LGI3: variants seen among roughly 807,000 people sequenced by gnomAD.
LGI3 encodes leucine rich repeat LGI family member 3.
LGI3 carries 47 observed loss-of-function variants against 55.4 expected under a neutral mutation model. The ratio of observed to expected loss-of-function variants is 0.85; its 90% CI spans 0.67 to 1.08. The LOEUF (loss-of-function observed/expected upper bound fraction) is 1.08. LGI3 is among the 50% of genes least tolerant of loss of function. The pLI is 0.00. For synonymous variants in LGI3, 326 were observed against 315.0 expected, an observed-to-expected ratio of 1.04 and a Z score of -0.37; for missense variants, 664 against 726.3, an observed-to-expected ratio of 0.91 and a Z score of 0.99.
At chr8:22,153,198 C>T (rs1216032301) in intron 5 of LGI3, among the ~76,000 whole-genome samples, 1 of 150,984 alleles carries the variant, frequency 6.6e-6, no homozygotes, top group Non-Finnish European at 1.5e-5. Flanking sequence ...GATTCTCCTG[C>T]CTCAACCTTC....
chr8:22,153,280 T>G (rs1264771595), intron 5 of LGI3, among the ~76,000 whole-genome samples: 1 of 151,004 alleles, frequency 6.6e-6, no homozygotes, highest in African/African-American at 2.4e-5. Flanking sequence ...AGACGGCGTT[T>G]CACCATGTTG....
Position 22,156,641 on chromosome 8 carries a change from G to A in LGI3, c.-99C>T, listed in dbSNP as rs1159097164. ...CGCGGGCTGGCACCTCCCTGCCACCGGCAGCTGCTACCGCAGCCAGGGGCC... is the reference window on the plus strand; with the variant it reads ...CGCGGGCTGGCACCTCCCTGCCACCAGCAGCTGCTACCGCAGCCAGGGGCC... On this transcript the variant is annotated 5_prime_UTR_variant, in exon 1 of 8. Transcript: ENST00000306317. 3.5e-5 allele frequency: 11 copies of A among 316,932 alleles called. No individual in the cohort carries two copies. The highest frequency in any genetic ancestry group is 4.8e-5 in the Non-Finnish European group (9 of 186,332). The allele number at this position is 316,932 out of a possible 1,614,324, so 19.6% of individuals were successfully genotyped here. A position where few individuals can be genotyped will look rare whatever the true frequency, so the allele number is the denominator to read the frequency against.
chr8:22,151,381 A>G, intron 7 of LGI3, 108 bp downstream of exon 7: 1 of 1,012,808 alleles, frequency 9.9e-7, no homozygotes, highest in East Asian at 2.4e-5. Flanking sequence ...GGCAGAGGGT[A>G]TGTCTCATCT....
chr8:22,151,509 C>T lies in LGI3; in HGVS notation c.809G>A (p.Arg270Gln). ...GGTACCTGGGATTCTATCATAGTCT[C>T]GAAGCTGCCGCTCAACATAGTCCCA... ...LKWDYVERQLRDYDRIPAPSA... is the reference protein window; with the variant it reads ...LKWDYVERQLQDYDRIPAPSA... Residue 270 changes from arginine to glutamine, a missense_variant, in exon 7 of 8, where the codon CGA becomes CAA. Arg to Gln is a conservative substitution (Grantham distance 43, BLOSUM62 1). Transcript: ENST00000306317. 4.3e-6 allele frequency: 7 copies of T among 1,614,018 alleles called. No individual in the cohort carries two copies. Among genetic ancestry groups the T allele is most frequent in the African/African-American group, 2.7e-5 (2 of 75,036 alleles).
chr8:22,153,269 C>G (rs1468768358), intron 5 of LGI3, among the ~76,000 whole-genome samples: 4 of 151,032 alleles, frequency 2.6e-5, no homozygotes, highest in South Asian at 2.1e-4. Context: ...ATTTTTAGTA[C>G]AGACGGCGTT....
intron 2 of LGI3, 181 bp from the exon 3 acceptor site, chr8:22,154,812 C>T (rs1267788843): frequency 1.4e-5 from 8 of 589,640 alleles, no homozygotes; most frequent in Non-Finnish European, 2.4e-5. Flanking sequence ...TGTTCTGGCC[C>T]CAGAAGCTCC....
intron 7 of LGI3, among the ~76,000 whole-genome samples, chr8:22,151,194 A>G (rs560960113): frequency 6.6e-6 from 1 of 152,170 alleles, no homozygotes; most frequent in Admixed American, 6.5e-5. Flanking sequence ...TCTATTCTTC[A>G]AGACTCAGCT....
Position 22,154,562 on chromosome 8 carries a change from A to G in LGI3, c.348T>C (p.Tyr116=). 6.2e-7 allele frequency: 1 copy of G among 1,613,688 alleles called. No homozygotes were observed. The highest frequency in any genetic ancestry group is 8.5e-7 in the Non-Finnish European group (1 of 1,179,670). The change falls in exon 3 of 8, where the codon TAT becomes TAC. Residue 116 remains tyrosine (Y), a splice_region_variant and synonymous_variant. Coordinates refer to ENST00000306317, the MANE Select transcript of LGI3 (RefSeq NM_139278.4). The part of the protein sequence containing the change: ...NAFTGLSHLQ[Y]LFIENNDIWA... The stretch of plus-strand genomic sequence containing the variant: ...TTGCCCCTTTCCCTCCCACACACAG[A>G]TACTGCAGGTGCGACAGTCCTGTGA...
chr8:22,156,537 C>A lies in LGI3; in HGVS notation c.6G>T (p.Ala2=). M[A]GLRARGGPGP... is the part of the protein sequence containing the mutation. ...CCGGGCCCCCCCTGGCCCGCAGCCC[C>A]GCCATGCTGCCCGCGATCTCTCCCT... is the stretch of plus-strand genomic sequence containing the variant. The change falls in exon 1 of 8, where the codon GCG becomes GCT. Residue 2 remains alanine, a synonymous_variant. Coordinates refer to ENST00000306317, the MANE Select transcript of LGI3 (RefSeq NM_139278.4). 7.8e-7 allele frequency: 1 copy of A among 1,278,166 alleles called. No homozygotes were observed. Among genetic ancestry groups the A allele is most frequent in the Admixed American group, 3.8e-5 (1 of 26,368 alleles). 79.2% of individuals were successfully genotyped at this position (1,278,166 alleles called of 1,614,324 possible). A position where few individuals can be genotyped will look rare whatever the true frequency, so the allele number is the denominator to read the frequency against.
intron 1 of LGI3, among the ~76,000 whole-genome samples, chr8:22,155,858 A>T (rs904104292): frequency 2.6e-5 from 4 of 152,198 alleles, no homozygotes; most frequent in African/African-American, 9.6e-5. Context: ...GACAAGGGGG[A>T]GCCCCTGAGG....
chr8:22,148,903 C>T lies in LGI3; in HGVS notation c.904G>A (p.Gly302Ser), dbSNP rs757547343. The change falls in exon 8 of 8, where the codon GGC becomes AGC. Residue 302 changes from glycine (G) to serine (S), a missense_variant. By Grantham distance (56) the Gly-to-Ser change is moderately conservative. Coordinates refer to ENST00000306317, the MANE Select transcript of LGI3 (RefSeq NM_139278.4). This position sits in a 1 kb window ranked among gnomAD's most constrained non-coding sequence, Gnocchi z 7.0. Reference sequence around the variant, plus strand: ...GGATCCCAGTGGTAAATGTAAGAGCCGCCAAACAGCTGGGCCACGACCACG... The same window carrying T: ...GGATCCCAGTGGTAAATGTAAGAGCTGCCAAACAGCTGGGCCACGACCACG... The part of the protein sequence containing the change: ...LYVVVAQLFG[G>S]SYIYHWDPNT... The T allele has an allele frequency of 3.0e-5, 49 of 1,613,988 alleles. No homozygotes were observed. Among genetic ancestry groups the T allele is most frequent in the East Asian group, 4.5e-5 (2 of 44,886 alleles).
intron 2 of LGI3, chr8:22,154,990 G>T: frequency 2.4e-6 from 1 of 413,186 alleles, no homozygotes; most frequent in Admixed American, 4.0e-5. Context: ...TGTAGGGTTG[G>T]AGACACTCCT....
chr8:22,155,592 C>T (rs1827479789), intron 1 of LGI3, 129 bp from the exon 2 acceptor site: 5 of 760,270 alleles, frequency 6.6e-6, no homozygotes, highest in Non-Finnish European at 9.1e-6. Flanking sequence ...CCTAATTTAG[C>T]CCCCATCTGT....
At position 22,151,907 on chromosome 8, in the gene LGI3, G is replaced by A; in HGVS notation, c.588C>T (p.Tyr196=). 4.3e-6 allele frequency: 7 copies of A among 1,613,314 alleles called. No individual in the cohort carries two copies. Among genetic ancestry groups the A allele is most frequent in the Non-Finnish European group, 5.9e-6 (7 of 1,179,968 alleles). The part of the protein sequence containing the change: ...AHTNTTVAPI[Y]CASPPRFQEH... ...CCTGGAAGCGGGGCGGGCTGGCGCAGTAGATGGGTGCCACCGTGGTGTTGG... is the reference window on the plus strand; with the variant it reads ...CCTGGAAGCGGGGCGGGCTGGCGCAATAGATGGGTGCCACCGTGGTGTTGG... The change falls in exon 6 of 8, where the codon TAC becomes TAT. Residue 196 remains tyrosine, a synonymous_variant. Transcript: ENST00000306317.
chr8:22,147,238 C>G lies in LGI3; in HGVS notation c.*922G>C, dbSNP rs151328590. 6.6e-6 allele frequency: 1 copy of G among 152,314 alleles called. No individual in the cohort carries two copies. The highest frequency in any genetic ancestry group is 1.9e-4 in the East Asian group (1 of 5,192). 9.4% of individuals were successfully genotyped at this position (152,314 alleles called of 1,614,324 possible). A position where few individuals can be genotyped will look rare whatever the true frequency, so the allele number is the denominator to read the frequency against. On this transcript the variant is annotated 3_prime_UTR_variant, in exon 8 of 8. Coordinates refer to ENST00000306317, the MANE Select transcript of LGI3 (RefSeq NM_139278.4). Reference sequence around the variant, plus strand: ...AGGGGACAGTCCAAGCCTGAGAAAGCGACAGCTACAGGAAGGAAGGCAGAA... The same window carrying G: ...AGGGGACAGTCCAAGCCTGAGAAAGGGACAGCTACAGGAAGGAAGGCAGAA...
intron 5 of LGI3, among the ~76,000 whole-genome samples, chr8:22,153,450 C>A (rs1054130302): frequency 6.6e-6 from 1 of 151,178 alleles, no homozygotes; most frequent in African/African-American, 2.4e-5. Context: ...CACCTGTACT[C>A]CCAGCACTTT....
chr8:22,150,449 C>T (rs1489593128), intron 7 of LGI3, among the ~76,000 whole-genome samples: 1 of 149,430 alleles, frequency 6.7e-6, no homozygotes, highest in Non-Finnish European at 1.5e-5. Context: ...AGCTCTGCCT[C>T]CCAGGTTCAT....
At chr8:22,155,598 T>A (rs756405534) in intron 1 of LGI3, 135 bp from the exon 2 acceptor site, 39 of 726,550 alleles carry the variant, frequency 5.4e-5, no homozygotes, top group Non-Finnish European at 8.2e-5. Flanking sequence ...TTAGCCCCCA[T>A]CTGTGTGTCT....
chr8:22,156,599 G>T lies in LGI3; in HGVS notation c.-57C>A, dbSNP rs557076801. 3.6e-4 allele frequency: 222 copies of T among 613,868 alleles called. 1 individual carries two copies. In the Middle Eastern group the frequency reaches 5.6e-3, roughly 16 times the overall value. 38.0% of individuals were successfully genotyped at this position (613,868 alleles called of 1,614,324 possible). ...CCGCGGCCCCCGCCCCACCGCTCCC[G>T]CGGCTGGGCCACCCCGCGCGGGCTG... On this transcript the variant is annotated 5_prime_UTR_variant, in exon 1 of 8. Transcript: ENST00000306317.
Sources: gnomAD v4.1 joint callset for allele counts (sites outside exome capture counted in the v4.1 genomes callset) on GRCh38, gnomAD v4.1.1 for gene constraint, Gnocchi (gnomAD v3.1) non-coding constraint, MANE v1.5 for transcripts, NCBI Gene and HGNC (gene_info 2026-07-23, HGNC 2026-07-21) for gene names.